GRM8: variants seen among roughly 807,000 people sequenced by gnomAD.
The protein encoded by GRM8 is glutamate metabotropic receptor 8, also known as metabotropic glutamate receptor 8.
Under a neutral mutation model 87.2 loss-of-function variants are expected in GRM8, and 47 were observed. The observed-to-expected ratio is 0.54, with a 90% CI of 0.43 to 0.69. The LOEUF is 0.69. GRM8 is among the 30% of genes least tolerant of loss of function. The pLI is 0.00. For synonymous variants in GRM8, 396 were observed against 404.5 expected (o/e 0.98, Z 0.25); for missense variants, 1,019 against 1,139.2 (o/e 0.89, Z 1.52).
intron 2 of GRM8, among the ~76,000 whole-genome samples, chr7:127,138,839 C>T (rs76724123): frequency 4.6e-5 from 7 of 151,940 alleles, no homozygotes; most frequent in Admixed American, 1.3e-4. Flanking sequence ...TTAAACAAGA[C>T]GAAAATCAGA....
At chr7:126,963,872 A>G (rs1308390447) in intron 3 of GRM8, among the ~76,000 whole-genome samples, 1 of 152,202 alleles carries the variant, frequency 6.6e-6, no homozygotes, top group East Asian at 1.9e-4. Flanking sequence ...ATCCAAAGCA[A>G]AAAGAACAAA....
chr7:126,469,253 C>T (rs561412641), intron 9 of GRM8, among the ~76,000 whole-genome samples: 46 of 152,264 alleles, frequency 3.0e-4, no homozygotes, highest in African/African-American at 1.1e-3. Context: ...AATCAACTTT[C>T]ACCATTCTAC....
At chr7:126,456,568 A>AGAGAATT (rs1803271259) in intron 9 of GRM8, among the ~76,000 whole-genome samples, 1 of 147,542 alleles carries the variant, frequency 6.8e-6, no homozygotes, top group African/African-American at 2.5e-5. Context: ...CTAGATTCAG[A>AGAGAATT]GAGAATTCAG....
rs983416688 is a variant in GRM8 at position 127,172,250 on chromosome 7, C to A, written c.511-65538G>T. Among the ~76,000 whole-genome samples, 34 of 152,144 alleles carry A rather than the reference C, an allele frequency of 2.2e-4. No homozygotes were observed. The East Asian group carries it at 6.0e-3, about 27-fold the overall frequency. On this transcript the variant is annotated intron_variant, in intron 2 of 10. Transcript: ENST00000339582. ...TAATAAACTTTAATATTATTTATTA[C>A]TGTCATAAACCAATAATTGGTTCTT...
At chr7:126,995,962 A>G (rs1813141196) in intron 3 of GRM8, among the ~76,000 whole-genome samples, 1 of 152,162 alleles carries the variant, frequency 6.6e-6, no homozygotes, top group Non-Finnish European at 1.5e-5. Flanking sequence ...AGCAAGAGAA[A>G]AAAAACACAC....
intron 2 of GRM8, among the ~76,000 whole-genome samples, chr7:127,241,042 A>G (rs185628598): frequency 1.2e-3 from 186 of 152,350 alleles, no homozygotes; most frequent in African/African-American, 4.1e-3. Flanking sequence ...TGTCTCCAGC[A>G]CACCCTGAAG....
At chr7:126,568,102 C>T (rs191501335) in intron 8 of GRM8, among the ~76,000 whole-genome samples, 1 of 152,110 alleles carries the variant, frequency 6.6e-6, no homozygotes, top group Admixed American at 6.5e-5. Flanking sequence ...AAAGAAAAGA[C>T]ATTTGCCTAC....
In GRM8 at chr7:126,830,508, G is replaced by T. The variant is rs534038496; in HGVS notation, c.1157-60443C>A. ...AGTTGATCTCATCGGCTCCTGAGGC[G>T]TCTGCATTCTTCACATAGTTCTCGA... On this transcript the variant is annotated intron_variant, in intron 6 of 10. Transcript: ENST00000339582. 7.9e-5 allele frequency among the ~76,000 whole-genome samples: 12 copies of T among 152,140 alleles called. No homozygotes were observed. In the East Asian group the frequency reaches 1.9e-3, roughly 24 times the overall value.
At chr7:127,172,977 A>G (rs1793904598) in intron 2 of GRM8, among the ~76,000 whole-genome samples, 1 of 152,200 alleles carries the variant, frequency 6.6e-6, no homozygotes, top group Non-Finnish European at 1.5e-5. Flanking sequence ...GGAAAACTAG[A>G]AGAAAACACT....
intron 7 of GRM8, among the ~76,000 whole-genome samples, chr7:126,648,563 A>C (rs572746344): frequency 6.6e-6 from 1 of 152,356 alleles, no homozygotes; most frequent in South Asian, 2.1e-4. Flanking sequence ...GGGTAAGAAC[A>C]ATAGAACTGT....
intron 2 of GRM8, among the ~76,000 whole-genome samples, chr7:127,206,024 G>A (rs991320807): frequency 2.0e-5 from 3 of 152,196 alleles, no homozygotes; most frequent in South Asian, 4.1e-4. Flanking sequence ...GCCCTGCCAG[G>A]TATAGATGGG....
At chr7:126,962,980 T>G (rs1364459966) in intron 3 of GRM8, among the ~76,000 whole-genome samples, 1 of 152,240 alleles carries the variant, frequency 6.6e-6, no homozygotes, top group African/African-American at 2.4e-5. Flanking sequence ...CCTATATGTC[T>G]CTGTCCAACT....
intron 8 of GRM8, among the ~76,000 whole-genome samples, chr7:126,553,352 C>G (rs141196944): frequency 3.9e-5 from 6 of 152,288 alleles, no homozygotes; most frequent in African/African-American, 1.4e-4. Context: ...GTAACTGATA[C>G]ATTTCATGTG....
chr7:126,444,435 T>C (rs991365189), intron 10 of GRM8, among the ~76,000 whole-genome samples: 2 of 152,116 alleles, frequency 1.3e-5, no homozygotes, highest in African/African-American at 4.8e-5. Flanking sequence ...GGTTTCATGT[T>C]TGCAGAAAGG....
At chr7:127,226,298 T>C (rs1014494563) in intron 2 of GRM8, among the ~76,000 whole-genome samples, 4 of 152,148 alleles carry the variant, frequency 2.6e-5, no homozygotes, top group African/African-American at 4.8e-5. Context: ...AGAGTCAGGG[T>C]TGACAAAAAA....
intron 3 of GRM8, among the ~76,000 whole-genome samples, chr7:127,000,353 A>G (rs1311810265): frequency 6.6e-6 from 1 of 151,756 alleles, no homozygotes; most frequent in Non-Finnish European, 1.5e-5. Flanking sequence ...GGGTGACTAT[A>G]GTCAATAATA....
At chr7:126,670,269 G>T (rs574814448) in intron 7 of GRM8, among the ~76,000 whole-genome samples, 1 of 152,202 alleles carries the variant, frequency 6.6e-6, no homozygotes, top group Admixed American at 6.5e-5. Flanking sequence ...GAGGGCCCCT[G>T]AAGTGTCTAG....
chr7:126,811,564 T>A (rs566931688), intron 6 of GRM8, among the ~76,000 whole-genome samples: 12 of 152,040 alleles, frequency 7.9e-5, no homozygotes, highest in Non-Finnish European at 1.2e-4. Context: ...GTTTTCCTTG[T>A]AGACATCGTT....
chr7:127,242,906 A>T lies in GRM8; in HGVS notation c.299T>A (p.Val100Asp). ...PDLLSNITLG[V>D]RILDTCSRDT... ...CCTAGAGCACGTGTCGAGGATGCGG[A>T]CACCCAGAGTGATGTTGGAAAGGAG... Residue 100 changes from valine to aspartate, a missense_variant, in exon 2 of 11, where the codon GTC (valine) becomes GAC (aspartate). Transcript: ENST00000339582. The T allele has an allele frequency of 6.2e-7, 1 of 1,614,092 alleles. No individual in the cohort carries two copies. Among genetic ancestry groups the T allele is most frequent in the Non-Finnish European group, 8.5e-7 (1 of 1,179,960 alleles).
Sources: gnomAD v4.1 joint callset for allele counts (sites outside exome capture counted in the v4.1 genomes callset) on GRCh38, gnomAD v4.1.1 for gene constraint, MANE v1.5 for transcripts, NCBI Gene and HGNC (gene_info 2026-07-23, HGNC 2026-07-21) for gene names.